The following SDC2 variants were observed in gnomAD, a reference collection of about 807,000 sequenced individuals.
SDC2 encodes the protein syndecan 2.
In SDC2, 13 loss-of-function variants were observed where a neutral mutation model predicts 22.2. That is an observed-to-expected ratio of 0.59 (90% CI 0.38 to 0.93). The LOEUF is 0.93. Ranked by LOEUF, SDC2 falls within the 40% of genes least tolerant of loss-of-function variation. The pLI, the probability that SDC2 is intolerant of heterozygous loss-of-function variation, is 0.00. For missense variants in SDC2, 235 were observed against 246.8 expected (o/e 0.95, Z 0.32); for synonymous variants, 94 against 92.8 (o/e 1.01, Z -0.07).
At chr8:96,550,087 T>G (rs1814002776) in intron 1 of SDC2, among the ~76,000 whole-genome samples, 1 of 152,178 alleles carries the variant, frequency 6.6e-6, no homozygotes. Flanking sequence ...GAGCTCAAAA[T>G]TTTTTCAAAG....
chr8:96,605,659 A>G (rs541641403), intron 3 of SDC2, among the ~76,000 whole-genome samples: 1 of 152,328 alleles, frequency 6.6e-6, no homozygotes, highest in African/African-American at 2.4e-5. Context: ...AAGTCATGGC[A>G]GGTTGAAGTT....
At chr8:96,521,697 G>C (rs771097654) in intron 1 of SDC2, among the ~76,000 whole-genome samples, 2 of 152,180 alleles carry the variant, frequency 1.3e-5, no homozygotes, top group Admixed American at 6.5e-5. Flanking sequence ...CATTTTCCTT[G>C]CTTTGCGGTT....
At chr8:96,553,583 C>T (rs1429732013) in intron 1 of SDC2, among the ~76,000 whole-genome samples, 3 of 151,282 alleles carry the variant, frequency 2.0e-5, no homozygotes, top group Non-Finnish European at 2.9e-5. Flanking sequence ...GAGAGCCATT[C>T]GATTTTTTTT....
chr8:96,544,181 G>T (rs1412207386), intron 1 of SDC2, among the ~76,000 whole-genome samples: 3 of 151,794 alleles, frequency 2.0e-5, no homozygotes, highest in Non-Finnish European at 2.9e-5. Flanking sequence ...TTCCTTGTTA[G>T]GAAAAAAAAA....
intron 1 of SDC2, among the ~76,000 whole-genome samples, chr8:96,571,615 C>G (rs1033892653): frequency 6.6e-6 from 1 of 152,294 alleles, no homozygotes; most frequent in African/African-American, 2.4e-5. Context: ...AAGGCACTGC[C>G]TTGCTTTCTA....
At chr8:96,532,516 G>T (rs1054184802) in intron 1 of SDC2, among the ~76,000 whole-genome samples, 36 of 142,680 alleles carry the variant, frequency 2.5e-4, no homozygotes, top group Non-Finnish European at 7.5e-5. Context: ...CTTAGTTAAC[G>T]TTAAATTCCA....
chr8:96,600,186 A>G (rs536222999), intron 2 of SDC2, among the ~76,000 whole-genome samples: 10 of 152,216 alleles, frequency 6.6e-5, no homozygotes, highest in Non-Finnish European at 1.3e-4. Context: ...GCCATTGCAC[A>G]TGTTTCCAGC....
intron 1 of SDC2, among the ~76,000 whole-genome samples, chr8:96,542,020 C>T (rs1436627569): frequency 6.6e-6 from 1 of 152,128 alleles, no homozygotes; most frequent in Non-Finnish European, 1.5e-5. Context: ...AGGTCATTGT[C>T]ATGGATTAGG....
intron 1 of SDC2, among the ~76,000 whole-genome samples, chr8:96,519,852 T>C (rs1375337029): frequency 6.6e-6 from 1 of 152,084 alleles, no homozygotes; most frequent in Non-Finnish European, 1.5e-5. Context: ...GGTCTTGAAC[T>C]CCTGACCTCA....
chr8:96,545,975 G>A (rs1224191924), intron 1 of SDC2, among the ~76,000 whole-genome samples: 2 of 152,238 alleles, frequency 1.3e-5, no homozygotes, highest in Non-Finnish European at 2.9e-5. Context: ...GGTGATGCGT[G>A]CAGCGAGGCA....
intron 1 of SDC2, among the ~76,000 whole-genome samples, chr8:96,549,331 C>T (rs1813987947): frequency 6.6e-6 from 1 of 152,078 alleles, no homozygotes; most frequent in Admixed American, 6.5e-5. Context: ...GAATGACAAC[C>T]TCCCTGAGCA....
chr8:96,521,129 C>T (rs1194587351), intron 1 of SDC2, among the ~76,000 whole-genome samples: 1 of 152,170 alleles, frequency 6.6e-6, no homozygotes, highest in Non-Finnish European at 1.5e-5. Flanking sequence ...TCATGCAGCA[C>T]CACATCCCTA....
intron 1 of SDC2, among the ~76,000 whole-genome samples, chr8:96,497,175 G>C (rs1813089758): frequency 6.6e-6 from 1 of 151,886 alleles, no homozygotes; most frequent in Admixed American, 6.6e-5. Context: ...ATTATCTCTC[G>C]GTGTATTATG....
intron 1 of SDC2, among the ~76,000 whole-genome samples, chr8:96,554,579 A>G (rs1814079431): frequency 6.6e-6 from 1 of 152,008 alleles, no homozygotes; most frequent in Non-Finnish European, 1.5e-5. Flanking sequence ...TTCATTTTTC[A>G]CAGCCTTGCT....
At chr8:96,522,868 A>C (rs975924490) in intron 1 of SDC2, among the ~76,000 whole-genome samples, 1 of 152,212 alleles carries the variant, frequency 6.6e-6, no homozygotes, top group African/African-American at 2.4e-5. Context: ...AACATTCCTC[A>C]GGTTGTGGCT....
At chr8:96,597,925 A>G (rs1814908333) in intron 2 of SDC2, among the ~76,000 whole-genome samples, 1 of 152,244 alleles carries the variant, frequency 6.6e-6, no homozygotes, top group Non-Finnish European at 1.5e-5. Flanking sequence ...ATACATGCAA[A>G]TGTATTTTAA....
intron 1 of SDC2, among the ~76,000 whole-genome samples, chr8:96,497,552 T>C (rs566129246): frequency 1.3e-5 from 2 of 152,274 alleles, no homozygotes; most frequent in South Asian, 4.1e-4. Flanking sequence ...TGGATAATCA[T>C]TAGTTTGGAA....
intron 1 of SDC2, among the ~76,000 whole-genome samples, chr8:96,500,759 A>G (rs548193817): frequency 2.0e-5 from 3 of 151,806 alleles, no homozygotes; most frequent in South Asian, 2.1e-4. Context: ...CTGCATTTTG[A>G]TAAGTCTGTT....
intron 1 of SDC2, among the ~76,000 whole-genome samples, chr8:96,531,816 C>T (rs1813666058): frequency 6.6e-6 from 1 of 152,216 alleles, no homozygotes; most frequent in South Asian, 2.1e-4. Context: ...GGGCTTGGTT[C>T]AGCCTTACAT....
Sources: allele counts gnomAD v4.1 joint callset (sites outside exome capture counted in the v4.1 genomes callset), GRCh38; gene constraint gnomAD v4.1.1; transcripts MANE v1.5; gene names NCBI Gene and HGNC (gene_info 2026-07-23, HGNC 2026-07-21).